LYPD6: variants seen among roughly 807,000 people sequenced by gnomAD.
LYPD6 encodes LY6/PLAUR domain containing 6.
LYPD6 carries 15 observed loss-of-function variants against 22.7 expected under a neutral mutation model. The observed-to-expected ratio is 0.66, with a 90% confidence interval of 0.44 to 1.02. The LOEUF is 1.02. Ranked by LOEUF, LYPD6 falls within the 50% of genes least tolerant of loss-of-function variation. The pLI is 0.00. For missense variants in LYPD6, 189 were observed against 208.4 expected (o/e 0.91, Z 0.57); for synonymous variants, 72 against 77.5 (o/e 0.93, Z 0.37).
intron 1 of LYPD6, among the ~76,000 whole-genome samples, chr2:149,371,259 A>T (rs1681802468): frequency 6.6e-6 from 1 of 152,172 alleles, no homozygotes; most frequent in Non-Finnish European, 1.5e-5. Context: ...CAAAGCACGT[A>T]TCTAAGGATG....
the LYPD6 span, among the ~76,000 whole-genome samples, chr2:149,485,490 T>A: frequency 6.6e-6 from 1 of 152,202 alleles, no homozygotes; most frequent in African/African-American, 2.4e-5. Context: ...GCATTGCTGG[T>A]CCTGTGCCAC....
intron 1 of LYPD6, among the ~76,000 whole-genome samples, chr2:149,408,198 T>G (rs1420562977): frequency 7.2e-5 from 11 of 152,192 alleles, no homozygotes; most frequent in Non-Finnish European, 1.0e-4. Flanking sequence ...GGGACCCACT[T>G]GAGGAGGCAG....
In LYPD6 at chr2:149,473,141, C is replaced by G. The variant is rs765272015; in HGVS notation, c.*2291C>G. ...GTGCATGATTACACTCCACTGACAT[C>G]TTCCAAGTACTGCATGTGATTGAAT... On this transcript the variant is annotated 3_prime_UTR_variant, in exon 5 of 5. Coordinates refer to ENST00000334166, the MANE Select transcript of LYPD6 (RefSeq NM_194317.5). 1 of 152,602 alleles carries G rather than the reference C, an allele frequency of 6.6e-6. No individual in the cohort carries two copies. Among genetic ancestry groups the G allele is most frequent in the Non-Finnish European group, 1.5e-5 (1 of 68,046 alleles). 9.5% of individuals were successfully genotyped at this position (152,602 alleles called of 1,614,324 possible). A position where few individuals can be genotyped will look rare whatever the true frequency, so the allele number is the denominator to read the frequency against.
intron 1 of LYPD6, among the ~76,000 whole-genome samples, chr2:149,419,351 T>C (rs1683030157): frequency 6.6e-6 from 1 of 152,228 alleles, no homozygotes; most frequent in South Asian, 2.1e-4. Context: ...TTCTTCACCC[T>C]ACTCCTAATT....
At chr2:149,370,909 G>A (rs1188654857) in intron 1 of LYPD6, among the ~76,000 whole-genome samples, 1 of 152,146 alleles carries the variant, frequency 6.6e-6, no homozygotes, top group Non-Finnish European at 1.5e-5. Context: ...ACGTAAGTGA[G>A]CTATGATTGC....
At chr2:149,419,058 C>A (rs1356885257) in intron 1 of LYPD6, among the ~76,000 whole-genome samples, 1 of 152,198 alleles carries the variant, frequency 6.6e-6, no homozygotes, top group African/African-American at 2.4e-5. Flanking sequence ...AGATAATAAC[C>A]TACCTCAGAG....
chr2:149,448,307 A>G (rs79405463), intron 2 of LYPD6, among the ~76,000 whole-genome samples: 1 of 152,174 alleles, frequency 6.6e-6, no homozygotes, highest in Admixed American at 6.5e-5. Flanking sequence ...GAAAAGAAAG[A>G]AAGAAAAGAA....
intron 3 of LYPD6, among the ~76,000 whole-genome samples, chr2:149,452,348 C>T (rs1680849954): frequency 6.6e-6 from 1 of 152,220 alleles, no homozygotes; most frequent in South Asian, 2.1e-4. Context: ...GTCTTCTGCT[C>T]TTTCCTCCAG....
rs545658489 is a variant in LYPD6 at position 149,473,935 on chromosome 2, A to G, written c.*3085A>G. The G allele has an allele frequency of 6.6e-6, 1 of 152,314 alleles. No individual in the cohort carries two copies. Among genetic ancestry groups the G allele is most frequent in the South Asian group, 2.1e-4 (1 of 4,828 alleles). The allele number at this position is 152,314 out of a possible 1,614,324, so 9.4% of individuals were successfully genotyped here. ...ATATAAAAATTATGTGTGTATGTGTATGTATATATATATACCACCCTATTA... is the reference window on the plus strand; with the variant it reads ...ATATAAAAATTATGTGTGTATGTGTGTGTATATATATATACCACCCTATTA... On this transcript the variant is annotated 3_prime_UTR_variant, in exon 5 of 5. Transcript: ENST00000334166.
At chr2:149,377,092 G>C (rs1681938065) in intron 1 of LYPD6, among the ~76,000 whole-genome samples, 1 of 152,168 alleles carries the variant, frequency 6.6e-6, no homozygotes, top group Non-Finnish European at 1.5e-5. Flanking sequence ...GACTATTGCT[G>C]CTAAGAAAAC....
intron 1 of LYPD6, among the ~76,000 whole-genome samples, chr2:149,351,902 G>A (rs941063207): frequency 1.3e-5 from 2 of 152,002 alleles, no homozygotes; most frequent in East Asian, 3.9e-4. Flanking sequence ...TTTGTCTCTC[G>A]GTGGTCAGTT....
At chr2:149,424,899 C>T (rs529551223) in intron 1 of LYPD6, among the ~76,000 whole-genome samples, 1 of 152,238 alleles carries the variant, frequency 6.6e-6, no homozygotes, top group Admixed American at 6.5e-5. Context: ...AAAGGTTCGT[C>T]TTAGGGTTGT....
intron 1 of LYPD6, among the ~76,000 whole-genome samples, chr2:149,374,801 T>G (rs1170530023): frequency 6.6e-6 from 1 of 152,240 alleles, no homozygotes; most frequent in Non-Finnish European, 1.5e-5. Flanking sequence ...AAATTTGATT[T>G]TACAGCATAG....
intron 1 of LYPD6, chr2:149,367,790 G>T (rs72863910): frequency 0.057 from 8,676 of 152,230 alleles, 296 homozygotes; most frequent in Middle Eastern, 0.12. Flanking sequence ...AGAAAGAAGA[G>T]GCTTCCGAGC....
intron 1 of LYPD6, among the ~76,000 whole-genome samples, chr2:149,431,803 G>T (rs375047753): frequency 2.0e-5 from 3 of 152,058 alleles, no homozygotes; most frequent in East Asian, 1.9e-4. Context: ...TAGATCAAAG[G>T]ACTCCATCAA....
chr2:149,391,922 TGC>T (rs1559135361), intron 1 of LYPD6, among the ~76,000 whole-genome samples: 3 of 152,178 alleles, frequency 2.0e-5, no homozygotes. Flanking sequence ...TAGAAGTCGG[TGC>T]CTGAATCAGC....
At position 149,387,336 on chromosome 2, in the gene LYPD6, A is replaced by T. The variant is rs181234447; in HGVS notation, c.-71-50302A>T. On this transcript the variant is annotated intron_variant, in intron 1 of 4. Transcript: ENST00000334166. The stretch of plus-strand genomic sequence containing the variant: ...TTCTTGATACTTTTCTCTTAGGCCA[A>T]ACCACTTTGAGTAACAGAGGTCCTT... 4.6e-5 allele frequency among the ~76,000 whole-genome samples: 7 copies of T among 152,318 alleles called. No homozygotes were observed. The East Asian group carries it at 1.2e-3, about 25-fold the overall frequency.
At chr2:149,350,191 C>G (rs569339408) in intron 1 of LYPD6, among the ~76,000 whole-genome samples, 1 of 152,274 alleles carries the variant, frequency 6.6e-6, no homozygotes, top group Non-Finnish European at 1.5e-5. Flanking sequence ...AGACATTGTG[C>G]CTTTTGTCCC....
chr2:149,425,621 A>G (rs943722668), intron 1 of LYPD6, among the ~76,000 whole-genome samples: 4 of 152,232 alleles, frequency 2.6e-5, no homozygotes, highest in Non-Finnish European at 4.4e-5. Context: ...AGTGAATGCT[A>G]TGTAAAATCT....
Sources: allele counts gnomAD v4.1 joint callset (sites outside exome capture counted in the v4.1 genomes callset), GRCh38; gene constraint gnomAD v4.1.1; transcripts MANE v1.5; gene names NCBI Gene and HGNC (gene_info 2026-07-23, HGNC 2026-07-21).